The following PRKCH variants were observed in gnomAD, a reference collection of about 807,000 sequenced individuals.
PRKCH encodes protein kinase C eta, also known as protein kinase C eta type.
Under a neutral mutation model 82.5 loss-of-function variants are expected in PRKCH, and 28 were observed. The observed-to-expected ratio is 0.34, with a 90% CI of 0.25 to 0.47. The LOEUF (loss-of-function observed/expected upper bound fraction) is 0.47. PRKCH is among the 20% of genes least tolerant of loss of function. The pLI is 1.00. For synonymous variants in PRKCH, 322 were observed against 327.4 expected, an observed-to-expected ratio of 0.98 and a Z score of 0.18; for missense variants, 705 against 881.8, an observed-to-expected ratio of 0.80 and a Z score of 2.54.
At chr14:61,362,401 A>T (rs146381595) in intron 1 of PRKCH, among the ~76,000 whole-genome samples, 182 of 152,020 alleles carry the variant, frequency 1.2e-3, no homozygotes, top group African/African-American at 4.1e-3. Context: ...TAGGAAATTC[A>T]AAGGATTATT....
At chr14:61,277,483 A>G (rs527987377) in intron 1 of PRKCH, 13 of 152,334 alleles carry the variant, frequency 8.5e-5, no homozygotes, top group African/African-American at 3.1e-4. Flanking sequence ...GCTAGTGAAC[A>G]TTTACTGGGC....
chr14:61,473,074 A>G (rs1885574689), intron 9 of PRKCH, among the ~76,000 whole-genome samples: 1 of 152,158 alleles, frequency 6.6e-6, no homozygotes, highest in South Asian at 2.1e-4. Flanking sequence ...GAAGATGAAT[A>G]GGGATCTTAT....
chr14:61,532,858 C>CTTTTGGG (rs2043057990), intron 12 of PRKCH, among the ~76,000 whole-genome samples: 1 of 152,244 alleles, frequency 6.6e-6, no homozygotes, highest in Non-Finnish European at 1.5e-5. Context: ...TGGGAAGCTA[C>CTTTTGGG]AAGTCCCTTC....
chr14:61,377,483 T>C (rs1415153556), intron 1 of PRKCH, among the ~76,000 whole-genome samples: 1 of 152,230 alleles, frequency 6.6e-6, no homozygotes, highest in Non-Finnish European at 1.5e-5. Context: ...ACATGTTCTT[T>C]CCCTGAGTTC....
At chr14:61,470,988 C>A (rs528639326) in intron 9 of PRKCH, among the ~76,000 whole-genome samples, 1 of 152,000 alleles carries the variant, frequency 6.6e-6, no homozygotes, top group Non-Finnish European at 1.5e-5. Flanking sequence ...TGAGGGCATG[C>A]GAAGTGGAAA....
rs903721598 is a variant in PRKCH at position 61,530,415 on chromosome 14, G to A, written c.1581G>A (p.Gln527=). Residue 527 remains glutamine, a synonymous_variant, in exon 12 of 14, where the codon CAG becomes CAA. Coordinates refer to ENST00000332981, the MANE Select transcript of PRKCH (RefSeq NM_006255.5). ...TPDYIAPEIL[Q]EMLYGPAVDW... ...CTGCCCCCTTTGCACAGATCCTCCA[G>A]GAAATGCTGTACGGGCCTGCAGTAG... 11 of 1,588,570 alleles carry A rather than the reference G, an allele frequency of 6.9e-6. No homozygotes were observed. The South Asian group carries it at 1.3e-4, about 18-fold the overall frequency.
intron 1 of PRKCH, among the ~76,000 whole-genome samples, chr14:61,221,614 A>C (rs932011064): frequency 6.6e-6 from 1 of 152,042 alleles, no homozygotes; most frequent in Admixed American, 6.5e-5. Context: ...CAGATTCTGT[A>C]GCTGGCACTC....
chr14:61,333,409 A>G (rs1297681004), intron 1 of PRKCH, among the ~76,000 whole-genome samples: 1 of 152,242 alleles, frequency 6.6e-6, no homozygotes, highest in Non-Finnish European at 1.5e-5. Context: ...GTTCAAAAAT[A>G]AGGCTTTTAT....
At chr14:61,342,594 C>T (rs1006038126) in intron 1 of PRKCH, among the ~76,000 whole-genome samples, 2 of 152,206 alleles carry the variant, frequency 1.3e-5, no homozygotes, top group African/African-American at 4.8e-5. Context: ...GACCCATTTC[C>T]ACCAGCGGGT....
At chr14:61,214,964 A>T (rs78787126) in intron 1 of PRKCH, among the ~76,000 whole-genome samples, 2,733 of 152,312 alleles carry the variant, frequency 0.018, 69 homozygotes, top group East Asian at 0.11. Context: ...TCTTCTCTAC[A>T]TTACTAGGTG....
chr14:61,457,697 T>G lies in PRKCH; in HGVS notation c.1278+18T>G. On this transcript the variant is annotated intron_variant, in intron 9 of 13. Transcript: ENST00000332981. ...AGACCCCCGTAAGTATGAATCACAT[T>G]CACTGCACCAACAGCCTCTTTTCTT... 6.2e-7 allele frequency: 1 copy of G among 1,612,116 alleles called. No homozygotes were observed. The highest frequency in any genetic ancestry group is 8.5e-7 in the Non-Finnish European group (1 of 1,178,488).
intron 1 of PRKCH, among the ~76,000 whole-genome samples, chr14:61,202,924 T>A (rs946517318): frequency 1.3e-5 from 2 of 152,122 alleles, no homozygotes; most frequent in Admixed American, 6.5e-5. Context: ...TTGGTGTACA[T>A]CCTATGGGTT....
chr14:61,536,243 C>T (rs1029543757), intron 12 of PRKCH, among the ~76,000 whole-genome samples: 21 of 152,100 alleles, frequency 1.4e-4, no homozygotes, highest in African/African-American at 5.1e-4. Context: ...CTTCAGCATA[C>T]CTGAAGAGTA....
intron 2 of PRKCH, among the ~76,000 whole-genome samples, chr14:61,416,205 A>G (rs958930593): frequency 6.6e-6 from 1 of 151,512 alleles, no homozygotes; most frequent in Non-Finnish European, 1.5e-5. Context: ...ACAGGTGTGC[A>G]CCACCAAGCC....
intron 1 of PRKCH, among the ~76,000 whole-genome samples, chr14:61,222,465 G>T (rs2044663146): frequency 6.6e-6 from 1 of 152,066 alleles, no homozygotes; most frequent in African/African-American, 2.4e-5. Flanking sequence ...CATATCCATG[G>T]ACTTAGAAAG....
intron 11 of PRKCH, 40 bp downstream of exon 11, chr14:61,529,253 C>T (rs1435044650): frequency 6.4e-7 from 1 of 1,562,386 alleles, no homozygotes; most frequent in South Asian, 1.2e-5. Flanking sequence ...AATCTGAGCT[C>T]TCCAGTAACT....
In PRKCH at chr14:61,463,712, T is replaced by TA. The variant is rs200313374; in HGVS notation, c.1278+6033_1278+6034insA. Among the ~76,000 whole-genome samples the TA allele has an allele frequency of 4.6e-3, 671 of 144,780 alleles. 4 individuals carry two copies. The highest frequency in any genetic ancestry group is 0.015 in the African/African-American group (522 of 34,530). 95.0% of individuals were successfully genotyped at this position (144,780 alleles called of 152,430 possible). On this transcript the variant is annotated intron_variant, in intron 9 of 13. Transcript: ENST00000332981. ...ATTTTCAGTGCTTTGTTTATATATATTTTTTTGGTCAACATCTCTCTAATC... is the reference window on the plus strand; with the variant it reads ...ATTTTCAGTGCTTTGTTTATATATATATTTTTTGGTCAACATCTCTCTAATC...
chr14:61,453,482 T>G (rs1566891114), intron 7 of PRKCH, 129 bp downstream of exon 7: 1 of 785,144 alleles, frequency 1.3e-6, no homozygotes. Context: ...CTTATTGCCT[T>G]TCTTTCTTTC....
intron 2 of PRKCH, among the ~76,000 whole-genome samples, chr14:61,422,983 G>A (rs899140559): frequency 1.3e-5 from 2 of 152,134 alleles, no homozygotes; most frequent in South Asian, 2.1e-4. Flanking sequence ...TCTTAAGAAT[G>A]TCCGGTATAA....
Sources: allele counts gnomAD v4.1 joint callset (sites outside exome capture counted in the v4.1 genomes callset), GRCh38; gene constraint gnomAD v4.1.1; transcripts MANE v1.5; gene names NCBI Gene and HGNC (gene_info 2026-07-23, HGNC 2026-07-21).